Variants in RSF1 observed in about 807,000 individuals in gnomAD.
RSF1 encodes the protein remodeling and spacing factor 1, also known as HBV pX-associated protein 8.
Under a neutral mutation model 145.2 loss-of-function variants are expected in RSF1, and 13 were observed. That is an observed-to-expected ratio of 0.09 (90% confidence interval 0.06 to 0.14). The LOEUF is 0.14. Ranked by LOEUF, RSF1 falls within the 10% of genes least tolerant of loss-of-function variation. RSF1 has a pLI of 1.00. For missense variants in RSF1, 1,517 were observed against 1,718.2 expected, an observed-to-expected ratio of 0.88 and a Z score of 2.07; for synonymous variants, 577 against 592.6, an observed-to-expected ratio of 0.97 and a Z score of 0.38.
At chr11:77,683,598 T>C (rs974980200) in intron 11 of RSF1, 112 bp downstream of exon 11, 1 of 609,102 alleles carries the variant, frequency 1.6e-6, no homozygotes, top group Admixed American at 3.1e-5. Context: ...GCAAGAAATA[T>C]ATATACAACT....
the RSF1 span, chr11:77,829,625 AT>A: frequency 6.6e-6 from 1 of 152,226 alleles, no homozygotes; most frequent in Non-Finnish European, 1.5e-5. Flanking sequence ...AGACGACTAC[AT>A]TTGTGAGACC....
chr11:77,749,069 G>A (rs538736742), intron 2 of RSF1, among the ~76,000 whole-genome samples: 1 of 152,158 alleles, frequency 6.6e-6, no homozygotes, highest in Non-Finnish European at 1.5e-5. Flanking sequence ...GCCACATATT[G>A]CATGATTCCA....
At chr11:77,859,476 G>A in the RSF1 span, among the ~76,000 whole-genome samples, 1 of 152,172 alleles carries the variant, frequency 6.6e-6, no homozygotes, top group Non-Finnish European at 1.5e-5. Context: ...TGCTGCATGG[G>A]CATGGAGGAC....
chr11:77,808,527 C>CTTTTTTTTTT lies in RSF1; in HGVS notation c.187+11991_187+12000dup, dbSNP rs745630976. ...TTAGTATCCCATTCAAATATTATAC[C>CTTTTTTTTTT]TTTTTTTTTTTTTTTTTTTTTTTTG... On this transcript the variant is annotated intron_variant, in intron 1 of 15. Transcript: ENST00000308488. Among the ~76,000 whole-genome samples, 16 of 59,996 alleles carry CTTTTTTTTTT rather than the reference C, an allele frequency of 2.7e-4. 1 individual carries two copies. Among genetic ancestry groups the CTTTTTTTTTT allele is most frequent in the South Asian group, 7.6e-4 (1 of 1,324 alleles). The allele number at this position is 59,996 out of a possible 152,430, so 39.4% of individuals were successfully genotyped here. A position where few individuals can be genotyped will look rare whatever the true frequency, so the allele number is the denominator to read the frequency against.
intron 2 of RSF1, among the ~76,000 whole-genome samples, chr11:77,760,215 C>T (rs1243915421): frequency 6.6e-6 from 1 of 151,970 alleles, no homozygotes; most frequent in Non-Finnish European, 1.5e-5. Flanking sequence ...ATAAAAGATG[C>T]TATTATCCAT....
At chr11:77,762,211 A>T (rs1948183063) in intron 2 of RSF1, 1 of 151,728 alleles carries the variant, frequency 6.6e-6, no homozygotes, top group African/African-American at 2.4e-5. Context: ...TGTCAAAGTA[A>T]AAAGTCATCC....
chr11:77,855,741 C>A, the RSF1 span, among the ~76,000 whole-genome samples: 20 of 100,508 alleles, frequency 2.0e-4, no homozygotes, highest in Non-Finnish European at 3.4e-4. Flanking sequence ...TTTTTTTGCT[C>A]AAGAATATGA....
At chr11:77,854,475 T>C in the RSF1 span, among the ~76,000 whole-genome samples, 1 of 152,164 alleles carries the variant, frequency 6.6e-6, no homozygotes, top group East Asian at 1.9e-4. Context: ...TGAGAAATTA[T>C]CCAAAACAAA....
Position 77,702,500 on chromosome 11 carries a change from A to AAATCAG in RSF1, c.734-11_734-6dup, listed in dbSNP as rs763722489. On this transcript the variant is annotated splice_region_variant and splice_polypyrimidine_tract_variant and intron_variant, in intron 5 of 15. Coordinates refer to ENST00000308488, the MANE Select transcript of RSF1 (RefSeq NM_016578.4). The stretch of plus-strand genomic sequence containing the variant: ...TTTCACTTTCTTTCTGTTCCTCTAA[A>AAATCAG]AATCAGAAAAAGCTTAATTACATGA... 4.0e-6 allele frequency: 6 copies of AAATCAG among 1,516,616 alleles called. No homozygotes were observed. The highest frequency in any genetic ancestry group is 2.5e-5 in the Admixed American group (1 of 40,532). The allele number at this position is 1,516,616 out of a possible 1,614,324, so 93.9% of individuals were successfully genotyped here.
At chr11:77,786,322 TATC>T (rs1948456340) in intron 1 of RSF1, among the ~76,000 whole-genome samples, 1 of 152,208 alleles carries the variant, frequency 6.6e-6, no homozygotes, top group Non-Finnish European at 1.5e-5. Context: ...ATTGTTAACT[TATC>T]ATTCAGAATA....
chr11:77,752,462 C>T (rs1037601781), intron 2 of RSF1, among the ~76,000 whole-genome samples: 3 of 152,098 alleles, frequency 2.0e-5, no homozygotes, highest in African/African-American at 7.2e-5. Context: ...TGTTTTTTCA[C>T]GCCCGCCCTA....
chr11:77,871,802 T>G, the RSF1 span, among the ~76,000 whole-genome samples: 27 of 152,364 alleles, frequency 1.8e-4, no homozygotes, highest in East Asian at 5.2e-3. Flanking sequence ...TTAGCTCAGT[T>G]AGTTGTCATA....
intron 9 of RSF1, among the ~76,000 whole-genome samples, chr11:77,685,821 C>A (rs1959989081): frequency 6.6e-6 from 1 of 152,086 alleles, no homozygotes; most frequent in Non-Finnish European, 1.5e-5. Context: ...CTTTGTTATG[C>A]TGGAGAAAGT....
In RSF1 at chr11:77,701,648, T is replaced by G; in HGVS notation, c.1581A>C (p.Ala527=). Residue 527 remains alanine, a synonymous_variant, in exon 6 of 16, where the codon GCA becomes GCC. Transcript: ENST00000308488. ...ISVLEIHSQK[A]QIEEPDPPEM... ...CTGGAGGATCGGGTTCCTCTATTTG[T>G]GCTTTTTGACTATGGATCTCTAAGA... 6.2e-7 allele frequency: 1 copy of G among 1,614,126 alleles called. No homozygotes were observed. Among genetic ancestry groups the G allele is most frequent in the East Asian group, 2.2e-5 (1 of 44,876 alleles).
chr11:77,764,502 A>G, intron 2 of RSF1, 96 bp downstream of exon 2: 1 of 733,768 alleles, frequency 1.4e-6, no homozygotes, highest in Non-Finnish European at 2.3e-6. Context: ...CTTTTAGTAA[A>G]CTAATTAAAA....
At chr11:77,822,066 C>A (rs1948933913), upstream of RSF1, among the ~76,000 whole-genome samples, 1 of 151,888 alleles carries the variant, frequency 6.6e-6, no homozygotes, top group South Asian at 2.1e-4. Flanking sequence ...GACTGAATTC[C>A]GCTATATTTA....
At chr11:77,794,041 A>G (rs188318739) in intron 1 of RSF1, among the ~76,000 whole-genome samples, 90 of 152,318 alleles carry the variant, frequency 5.9e-4, no homozygotes, top group Non-Finnish European at 1.0e-4. Flanking sequence ...CACAAAGAAA[A>G]TATTACTAGA....
At chr11:77,782,826 C>T (rs1335963814) in intron 1 of RSF1, among the ~76,000 whole-genome samples, 1 of 152,190 alleles carries the variant, frequency 6.6e-6, no homozygotes, top group Non-Finnish European at 1.5e-5. Context: ...TATTGATGAT[C>T]ACAAAGCCTA....
intron 1 of RSF1, among the ~76,000 whole-genome samples, chr11:77,788,790 G>C (rs1948487376): frequency 1.3e-5 from 2 of 152,088 alleles, no homozygotes; most frequent in South Asian, 4.2e-4. Flanking sequence ...GACAACAAGG[G>C]AGAGACTTTA....
Sources: gnomAD v4.1 joint callset for allele counts (sites outside exome capture counted in the v4.1 genomes callset) on GRCh38, gnomAD v4.1.1 for gene constraint, MANE v1.5 for transcripts, NCBI Gene and HGNC (gene_info 2026-07-23, HGNC 2026-07-21) for gene names.